Variants in ENOPH1 observed in about 807,000 individuals in gnomAD.
ENOPH1 encodes enolase-phosphatase E1.
Under a neutral mutation model 31.1 loss-of-function variants are expected in ENOPH1, and 14 were observed. That is an observed-to-expected ratio of 0.45 (90% CI 0.30 to 0.70). ENOPH1 has a LOEUF of 0.70. Ranked by LOEUF, ENOPH1 falls within the 30% of genes least tolerant of loss-of-function variation. The pLI is 0.09. For synonymous variants in ENOPH1, 127 were observed against 123.2 expected, an observed-to-expected ratio of 1.03 and a Z score of -0.21; for missense variants, 243 against 321.5, an observed-to-expected ratio of 0.76 and a Z score of 1.87.
chr4:82,456,884 A>G, intron 4 of ENOPH1, 31 bp from the exon 5 acceptor site: 1 of 1,610,276 alleles, frequency 6.2e-7, no homozygotes, highest in Admixed American at 1.7e-5. Flanking sequence ...GTGTATTTGT[A>G]TTGCCAGTCT....
At chr4:82,437,147 A>T (rs1348301714) in intron 1 of ENOPH1, among the ~76,000 whole-genome samples, 3 of 152,124 alleles carry the variant, frequency 2.0e-5, no homozygotes, top group Admixed American at 2.0e-4. Context: ...TTTTTCTAGA[A>T]CCTTCAGTAT....
intron 5 of ENOPH1, 139 bp downstream of exon 5, chr4:82,457,177 A>C: frequency 1.2e-6 from 1 of 830,844 alleles, no homozygotes; most frequent in Non-Finnish European, 1.7e-6. Flanking sequence ...ATAAAGAAAC[A>C]GTGTCTGGTT....
At chr4:82,431,047 G>A in intron 1 of ENOPH1, 134 bp downstream of exon 1, 4 of 765,570 alleles carry the variant, frequency 5.2e-6, no homozygotes, top group Non-Finnish European at 8.7e-6. Flanking sequence ...GGAATGGGGA[G>A]GAAGGAGAGA....
chr4:82,432,705 G>A (rs904182108), intron 1 of ENOPH1, among the ~76,000 whole-genome samples: 1 of 150,720 alleles, frequency 6.6e-6, no homozygotes, highest in African/African-American at 2.4e-5. Context: ...TCCCAGGCTG[G>A]AATACAGTGG....
Position 82,430,825 on chromosome 4 carries a change from G to T in ENOPH1, c.-5G>T, listed in dbSNP as rs1396128399. Reference sequence around the variant, plus strand: ...AGGCCGAGTCCCGTAGCATCCGGTAGGGAAATGGTCGTGCTTTCGGTCCCC... The same window carrying T: ...AGGCCGAGTCCCGTAGCATCCGGTATGGAAATGGTCGTGCTTTCGGTCCCC... On this transcript the variant is annotated 5_prime_UTR_variant, in exon 1 of 6. In the 5' UTR this introduces an upstream ATG that the reference lacks. Coordinates refer to ENST00000273920, the MANE Select transcript of ENOPH1 (RefSeq NM_021204.5). 1.6e-5 allele frequency: 26 copies of T among 1,613,946 alleles called. No homozygotes were observed. The African/African-American group carries it at 2.3e-4, about 14-fold the overall frequency.
At chr4:82,458,179 C>A (rs1029270940) in intron 5 of ENOPH1, among the ~76,000 whole-genome samples, 2 of 152,160 alleles carry the variant, frequency 1.3e-5, no homozygotes, top group East Asian at 3.9e-4. Context: ...GCCCAGACTT[C>A]CACTGCTGAG....
intron 4 of ENOPH1, among the ~76,000 whole-genome samples, chr4:82,456,700 T>C (rs567372659): frequency 1.3e-5 from 2 of 152,346 alleles, no homozygotes; most frequent in South Asian, 4.1e-4. Flanking sequence ...AATGATCTTA[T>C]GTATGTTGAG....
intron 3 of ENOPH1, among the ~76,000 whole-genome samples, chr4:82,454,246 T>A (rs1722426152): frequency 6.6e-6 from 1 of 152,180 alleles, no homozygotes; most frequent in South Asian, 2.1e-4. Flanking sequence ...TAGCTAATCA[T>A]AAGTTTATAG....
chr4:82,438,801 T>G (rs568234870), intron 1 of ENOPH1, among the ~76,000 whole-genome samples: 1 of 152,352 alleles, frequency 6.6e-6, no homozygotes, highest in Non-Finnish European at 1.5e-5. Context: ...AGTGCTTACT[T>G]CTTCTTTGTC....
At position 82,430,770 on chromosome 4, in the gene ENOPH1, C is replaced by T. The variant is rs902453597; in HGVS notation, c.-60C>T. On this transcript the variant is annotated 5_prime_UTR_variant, in exon 1 of 6. Coordinates refer to ENST00000273920, the MANE Select transcript of ENOPH1 (RefSeq NM_021204.5). ...ACGGTACCGGGGGCCGCAGCCGCAG[C>T]CGGCGCCGCCCTCCGCCCTCCCCAA... 1 of 1,537,196 alleles carries T rather than the reference C, an allele frequency of 6.5e-7. No homozygotes were observed. Among genetic ancestry groups the T allele is most frequent in the African/African-American group, 1.4e-5 (1 of 73,252 alleles).
chr4:82,435,414 A>AT (rs1369777236), intron 1 of ENOPH1, among the ~76,000 whole-genome samples: 4 of 152,102 alleles, frequency 2.6e-5, no homozygotes, highest in African/African-American at 4.8e-5. Context: ...AATTTTTAAA[A>AT]TTTTTTGCAG....
chr4:82,434,185 G>A (rs114643619), intron 1 of ENOPH1, among the ~76,000 whole-genome samples: 1,738 of 152,252 alleles, frequency 0.011, 29 homozygotes, highest in African/African-American at 0.039. Context: ...TTGGAAATGG[G>A]ATGCTACTGT....
intron 5 of ENOPH1, 32 bp from the exon 6 acceptor site, chr4:82,459,949 C>T: frequency 1.2e-6 from 2 of 1,607,904 alleles, no homozygotes; most frequent in African/African-American, 1.3e-5. Flanking sequence ...TTTGGTGTTT[C>T]TGACACACAC....
chr4:82,459,080 G>A lies in ENOPH1; in HGVS notation c.647-901G>A, dbSNP rs762979449. 4.0e-4 allele frequency among the ~76,000 whole-genome samples: 61 copies of A among 152,124 alleles called. 1 individual carries two copies. The highest frequency in any genetic ancestry group is 6.8e-4 in the Non-Finnish European group (46 of 67,992). On this transcript the variant is annotated intron_variant, in intron 5 of 5. Coordinates refer to ENST00000273920, the MANE Select transcript of ENOPH1 (RefSeq NM_021204.5). ...CTCTTACACCAAATCTAAATTCCAC[G>A]GGATTTATATATATATATTCCAGAT...
At chr4:82,447,144 C>T (rs960911783) in intron 1 of ENOPH1, among the ~76,000 whole-genome samples, 11 of 152,086 alleles carry the variant, frequency 7.2e-5, no homozygotes, top group Admixed American at 7.2e-4. Context: ...CGCCACCACA[C>T]CTGGCTAATT....
intron 1 of ENOPH1, among the ~76,000 whole-genome samples, chr4:82,444,556 C>T (rs568210507): frequency 3.9e-5 from 6 of 152,268 alleles, no homozygotes; most frequent in South Asian, 4.1e-4. Context: ...AAAACAACCA[C>T]GTGACCGTAA....
At chr4:82,452,276 A>G (rs1369489209) in intron 3 of ENOPH1, among the ~76,000 whole-genome samples, 1 of 151,918 alleles carries the variant, frequency 6.6e-6, no homozygotes, top group African/African-American at 2.4e-5. Context: ...TATGTTGTCC[A>G]TACCATATTG....
intron 1 of ENOPH1, among the ~76,000 whole-genome samples, chr4:82,441,894 T>C (rs1475478341): frequency 6.6e-6 from 1 of 152,192 alleles, no homozygotes. Flanking sequence ...GAAAACTACA[T>C]GGGAAGGCTA....
At chr4:82,455,674 T>C (rs1179429760) in intron 4 of ENOPH1, among the ~76,000 whole-genome samples, 1 of 151,766 alleles carries the variant, frequency 6.6e-6, no homozygotes, top group African/African-American at 2.4e-5. Context: ...TAGTCCCAGC[T>C]ACTCGGGAGG....
Sources: allele counts gnomAD v4.1 joint callset (sites outside exome capture counted in the v4.1 genomes callset), GRCh38; gene constraint gnomAD v4.1.1; transcripts MANE v1.5; gene names NCBI Gene and HGNC (gene_info 2026-07-23, HGNC 2026-07-21).